Variants in INSL6 observed in about 807,000 individuals in gnomAD.
INSL6 encodes the protein insulin like 6.
Under a neutral mutation model 9.4 loss-of-function variants are expected in INSL6, and 16 were observed. The ratio of observed to expected loss-of-function variants is 1.70; its 90% CI spans 1.15 to 2.59. The LOEUF (loss-of-function observed/expected upper bound fraction) is 2.59. Ranked by LOEUF, INSL6 falls within the 30% of genes most tolerant of loss-of-function variation. The pLI, the probability that INSL6 is intolerant of heterozygous loss-of-function variation, is 0.00. For missense variants in INSL6, 391 were observed against 257.3 expected (o/e 1.52, Z -3.56); for synonymous variants, 154 against 96.9 (o/e 1.59, Z -3.46).
the INSL6 span, among the ~76,000 whole-genome samples, chr9:5,074,900 G>A: frequency 6.6e-6 from 1 of 152,152 alleles, no homozygotes; most frequent in African/African-American, 2.4e-5. Flanking sequence ...CACTAAAAAG[G>A]CAAGTTATGA....
rs142715161 is a variant in INSL6, at chr9:5,182,316, G to A, written c.289+2998C>T. Among the ~76,000 whole-genome samples the A allele has an allele frequency of 1.1e-3, 170 of 152,036 alleles. 2 individuals carry two copies. The East Asian group carries it at 0.013, about 12-fold the overall frequency. On this transcript the variant is annotated intron_variant, in intron 1 of 1. Coordinates refer to ENST00000381641, the MANE Select transcript of INSL6 (RefSeq NM_007179.3). ...AGATATATCTTAAAACATATGAACA[G>A]GAAAGAATGCATAATTTGCAAAAAC...
intron 2 of INSL6, among the ~76,000 whole-genome samples, chr9:5,143,896 GTAATACA>G (rs1824551107): frequency 1.3e-5 from 2 of 152,098 alleles, no homozygotes; most frequent in South Asian, 4.2e-4. Context: ...CTGACCTCAG[GTAATACA>G]CCCGCCTCAG....
At chr9:5,033,960 G>T in the INSL6 span, among the ~76,000 whole-genome samples, 1 of 152,134 alleles carries the variant, frequency 6.6e-6, no homozygotes, top group Non-Finnish European at 1.5e-5. Flanking sequence ...TGGATAAAGA[G>T]TCAAGACCCA....
chr9:5,131,785 T>A (rs1007083012), intron 3 of INSL6, among the ~76,000 whole-genome samples: 20 of 152,202 alleles, frequency 1.3e-4, no homozygotes, highest in African/African-American at 4.8e-4. Context: ...TAAGCCGTCA[T>A]GTGCAGGCTG....
At chr9:5,069,170 T>C in the INSL6 span, 1 of 1,609,712 alleles carries the variant, frequency 6.2e-7, no homozygotes, top group Non-Finnish European at 8.5e-7. Flanking sequence ...GACAATATAA[T>C]TTTCCAGTTT....
chr9:5,016,468 A>G, the INSL6 span, among the ~76,000 whole-genome samples: 1 of 152,244 alleles, frequency 6.6e-6, no homozygotes, highest in Non-Finnish European at 1.5e-5. Context: ...TGCAAAATAT[A>G]TGAAGAAATG....
At chr9:5,048,303 G>A in the INSL6 span, among the ~76,000 whole-genome samples, 1,028 of 151,926 alleles carry the variant, frequency 6.8e-3, 10 homozygotes, top group African/African-American at 0.024. Context: ...CACTACGCCC[G>A]GCTAATTTTT....
At chr9:5,143,041 G>C (rs1824532912) in intron 2 of INSL6, among the ~76,000 whole-genome samples, 1 of 152,146 alleles carries the variant, frequency 6.6e-6, no homozygotes. Flanking sequence ...CAGGGATAAA[G>C]CCTACTCGAT....
downstream of INSL6, among the ~76,000 whole-genome samples, chr9:5,120,280 T>C (rs566977755): frequency 1.3e-5 from 2 of 152,186 alleles, no homozygotes; most frequent in Admixed American, 6.5e-5. Flanking sequence ...GAAGCCCTCA[T>C]GGCGTAATCA....
chr9:5,024,495 C>T, the INSL6 span, among the ~76,000 whole-genome samples: 1 of 152,056 alleles, frequency 6.6e-6, no homozygotes, highest in East Asian at 1.9e-4. Flanking sequence ...TGTGCTGACT[C>T]TAAAGAACAG....
intron 3 of INSL6, among the ~76,000 whole-genome samples, chr9:5,132,424 T>A (rs1213414579): frequency 6.6e-6 from 1 of 152,136 alleles, no homozygotes; most frequent in Non-Finnish European, 1.5e-5. Flanking sequence ...AAGGTGAGAG[T>A]ATGGACAATA....
the INSL6 span, among the ~76,000 whole-genome samples, chr9:5,003,800 G>C: frequency 2.6e-5 from 4 of 152,100 alleles, no homozygotes; most frequent in South Asian, 8.3e-4. Flanking sequence ...AGAAGAACAA[G>C]ATCAATATTT....
At chr9:5,136,996 A>G (rs1157075145) in intron 2 of INSL6, among the ~76,000 whole-genome samples, 1 of 152,226 alleles carries the variant, frequency 6.6e-6, no homozygotes, top group East Asian at 1.9e-4. Flanking sequence ...CAGCCAAATC[A>G]TGAGTGAACT....
chr9:5,105,487 G>A, the INSL6 span, among the ~76,000 whole-genome samples: 1 of 152,150 alleles, frequency 6.6e-6, no homozygotes, highest in Non-Finnish European at 1.5e-5. Flanking sequence ...TGGCGATACT[G>A]CCCAAAGTAA....
At chr9:5,077,637 C>T in the INSL6 span, 2 of 1,113,338 alleles carry the variant, frequency 1.8e-6, no homozygotes, top group South Asian at 4.2e-5. Context: ...AAACAATATA[C>T]AAATTATCTT....
the INSL6 span, among the ~76,000 whole-genome samples, chr9:5,105,134 T>C: frequency 6.6e-6 from 1 of 152,216 alleles, no homozygotes; most frequent in South Asian, 2.1e-4. Context: ...TGTTTGCAGA[T>C]GACACGACTG....
chr9:5,125,149 A>G (rs559157363), intron 3 of INSL6, among the ~76,000 whole-genome samples: 4 of 151,382 alleles, frequency 2.6e-5, no homozygotes, highest in African/African-American at 9.6e-5. Context: ...CTCAGAGAAG[A>G]CCACCTCAAT....
At chr9:5,126,949 G>T (rs577084695) in intron 3 of INSL6, 7 of 411,972 alleles carry the variant, frequency 1.7e-5, no homozygotes, top group African/African-American at 4.1e-5. Flanking sequence ...TCAAAGTTTA[G>T]TAAGTTTTTC....
chr9:5,105,290 G>A, the INSL6 span, among the ~76,000 whole-genome samples: 2 of 152,116 alleles, frequency 1.3e-5, no homozygotes, highest in Admixed American at 6.5e-5. Context: ...GCCAAATCAT[G>A]AGTGAACTAT....
Sources: allele counts gnomAD v4.1 joint callset (sites outside exome capture counted in the v4.1 genomes callset), GRCh38; gene constraint gnomAD v4.1.1; transcripts MANE v1.5; gene names NCBI Gene and HGNC (gene_info 2026-07-23, HGNC 2026-07-21).